Variants in JAKMIP1 observed in about 807,000 individuals in gnomAD.
The protein encoded by JAKMIP1 is janus kinase and microtubule-interacting protein 1.
JAKMIP1 carries 33 observed loss-of-function variants against 113.0 expected under a neutral mutation model. That is an observed-to-expected ratio of 0.29 (90% CI 0.22 to 0.39). JAKMIP1 has a LOEUF of 0.39. Among genes scored for constraint, JAKMIP1 ranks in the 10% least tolerant of loss-of-function variants. The pLI is 1.00. For missense variants in JAKMIP1, 813 were observed against 1,080.5 expected, an observed-to-expected ratio of 0.75 and a Z score of 3.47; for synonymous variants, 480 against 459.9, an observed-to-expected ratio of 1.04 and a Z score of -0.56.
rs565264594 is a variant in JAKMIP1 at position 6,153,638 on chromosome 4, C to T, written c.-147-40641G>A. 2.6e-5 allele frequency among the ~76,000 whole-genome samples: 4 copies of T among 152,320 alleles called. No homozygotes were observed. The East Asian group carries it at 7.7e-4, about 29-fold the overall frequency. ...GTTTTGTGGAAGGCCATCATGTTCC[C>T]GTGTGCCCCTCGGCACCTTACCTTT... is the stretch of plus-strand genomic sequence containing the variant. On this transcript the variant is annotated intron_variant, in intron 1 of 20. Coordinates refer to ENST00000409021, the MANE Select transcript of JAKMIP1 (RefSeq NM_001099433.2). This position sits in a 1 kb window ranked among gnomAD's most constrained non-coding sequence, Gnocchi z 4.9.
At chr4:6,175,017 G>A (rs73077410) in intron 1 of JAKMIP1, among the ~76,000 whole-genome samples, 149 of 152,172 alleles carry the variant, frequency 9.8e-4, no homozygotes, top group African/African-American at 3.0e-3. Flanking sequence ...GGCTATCCTC[G>A]GTTTCCCCAC....
At chr4:6,030,516 C>T (rs577411154) in intron 19 of JAKMIP1, among the ~76,000 whole-genome samples, 7 of 152,182 alleles carry the variant, frequency 4.6e-5, no homozygotes, top group Admixed American at 1.3e-4. Context: ...GCGTCTCCAC[C>T]GAGGGAATCT....
At chr4:6,119,492 C>A (rs527838282) in intron 1 of JAKMIP1, among the ~76,000 whole-genome samples, 1 of 151,864 alleles carries the variant, frequency 6.6e-6, no homozygotes, top group Non-Finnish European at 1.5e-5. Context: ...TGCGGTGAGC[C>A]GAGATCACGC....
At position 6,129,266 on chromosome 4, in the gene JAKMIP1, T is replaced by A. The variant is rs912861174; in HGVS notation, c.-147-16269A>T. ...CCCCTTCTGCAGAATCAAGTACAAC[T>A]GGACAAGAGCTGGCACATGTGTGGT... is the stretch of plus-strand genomic sequence containing the variant. On this transcript the variant is annotated intron_variant, in intron 1 of 20. Coordinates refer to ENST00000409021, the MANE Select transcript of JAKMIP1 (RefSeq NM_001099433.2). The surrounding 1 kb of genome is among the most constrained non-coding windows in gnomAD (Gnocchi z 5.4). 6.6e-6 allele frequency among the ~76,000 whole-genome samples: 1 copy of A among 152,166 alleles called. No individual in the cohort carries two copies. Among genetic ancestry groups the A allele is most frequent in the Non-Finnish European group, 1.5e-5 (1 of 68,030 alleles).
Position 6,045,824 on chromosome 4 carries a change from C to T in JAKMIP1, c.2028+3033G>A, listed in dbSNP as rs1462970387. Among the ~76,000 whole-genome samples, 4 of 152,006 alleles carry T rather than the reference C, an allele frequency of 2.6e-5. No individual in the cohort carries two copies. In the South Asian group the frequency reaches 6.2e-4, roughly 24 times the overall value. ...GGTGGAGGTTGCAGTAAGCTGAGATCGTGCCACTGCACTCCAGCCTGGGTG... is the reference window on the plus strand; with the variant it reads ...GGTGGAGGTTGCAGTAAGCTGAGATTGTGCCACTGCACTCCAGCCTGGGTG... On this transcript the variant is annotated intron_variant, in intron 16 of 20. Transcript: ENST00000409021.
chr4:6,084,737 G>C, intron 5 of JAKMIP1, 109 bp downstream of exon 5: 6 of 1,154,680 alleles, frequency 5.2e-6, no homozygotes, highest in Non-Finnish European at 7.0e-6. Flanking sequence ...GGAAAGTTCA[G>C]AGAACCAGAA....
Position 6,187,826 on chromosome 4 carries a change from A to G in JAKMIP1, c.-148+12427T>C, listed in dbSNP as rs1726811319. Among the ~76,000 whole-genome samples the G allele has an allele frequency of 1.3e-5, 2 of 152,238 alleles. No individual in the cohort carries two copies. Among genetic ancestry groups the G allele is most frequent in the South Asian group, 4.1e-4 (2 of 4,828 alleles). On this transcript the variant is annotated intron_variant, in intron 1 of 20. Coordinates refer to ENST00000409021, the MANE Select transcript of JAKMIP1 (RefSeq NM_001099433.2). This position sits in a 1 kb window ranked among gnomAD's most constrained non-coding sequence, Gnocchi z 4.2. ...ATCTACCTTTTGACTGGCTTATTTA[A>G]CCTATTCATCTTTAATAGTATTGAT...
At chr4:6,123,875 T>C (rs1717048677) in intron 1 of JAKMIP1, among the ~76,000 whole-genome samples, 1 of 152,228 alleles carries the variant, frequency 6.6e-6, no homozygotes, top group Non-Finnish European at 1.5e-5. Flanking sequence ...TTAACTTTCT[T>C]AGGAGACCTC....
chr4:6,152,173 G>A (rs1363625040), intron 1 of JAKMIP1, among the ~76,000 whole-genome samples: 1 of 151,960 alleles, frequency 6.6e-6, no homozygotes, highest in Non-Finnish European at 1.5e-5. Context: ...GAGAGAGCAG[G>A]GAGGGAGGAA....
chr4:6,058,633 C>A (rs1716809849), intron 11 of JAKMIP1, among the ~76,000 whole-genome samples: 1 of 152,206 alleles, frequency 6.6e-6, no homozygotes, highest in African/African-American at 2.4e-5. Context: ...AGACAGGACA[C>A]AGCAGTAAGG....
rs1719108567 is a variant in JAKMIP1 at position 6,135,541 on chromosome 4, T to C, written c.-147-22544A>G. ...TGCTCCTTGAGCTGCCCGACCCCAC[T>C]CCACGGACGGGGATTTCCCAGGTCC... is the stretch of plus-strand genomic sequence containing the variant. On this transcript the variant is annotated intron_variant, in intron 1 of 20. Coordinates refer to ENST00000409021, the MANE Select transcript of JAKMIP1 (RefSeq NM_001099433.2). This position sits in a 1 kb window ranked among gnomAD's most constrained non-coding sequence, Gnocchi z 4.9. Among the ~76,000 whole-genome samples, 1 of 152,024 alleles carries C rather than the reference T, an allele frequency of 6.6e-6. No individual in the cohort carries two copies. Among genetic ancestry groups the C allele is most frequent in the Non-Finnish European group, 1.5e-5 (1 of 67,992 alleles).
rs530693860 is a variant in JAKMIP1, at chr4:6,162,625, G to A, written c.-148+37628C>T. Among the ~76,000 whole-genome samples the A allele has an allele frequency of 2.6e-5, 4 of 152,330 alleles. No homozygotes were observed. In the South Asian group the frequency reaches 8.3e-4, roughly 32 times the overall value. Reference sequence around the variant, plus strand: ...CATCTCGTTCAACCTGCCAAGCTCAGTGTGGCACTGCCCATCTGTTAGCTC... The same window carrying A: ...CATCTCGTTCAACCTGCCAAGCTCAATGTGGCACTGCCCATCTGTTAGCTC... On this transcript the variant is annotated intron_variant, in intron 1 of 20. Transcript: ENST00000409021. The surrounding 1 kb of genome is among the most constrained non-coding windows in gnomAD (Gnocchi z 5.6).
chr4:6,171,756 C>T (rs905779523), intron 1 of JAKMIP1, among the ~76,000 whole-genome samples: 3 of 152,196 alleles, frequency 2.0e-5, no homozygotes, highest in African/African-American at 7.2e-5. Context: ...TCTCTCATCT[C>T]AAATGCCAAC....
At chr4:6,087,428 C>T (rs1721459885) in intron 3 of JAKMIP1, among the ~76,000 whole-genome samples, 1 of 152,156 alleles carries the variant, frequency 6.6e-6, no homozygotes, top group Non-Finnish European at 1.5e-5. Flanking sequence ...CCTAGCATAT[C>T]GCAAGCCTGC....
In JAKMIP1 at chr4:6,168,220, A is replaced by G. The variant is rs983491453; in HGVS notation, c.-148+32033T>C. Among the ~76,000 whole-genome samples the G allele has an allele frequency of 1.3e-5, 2 of 152,332 alleles. No homozygotes were observed. The highest frequency in any genetic ancestry group is 2.1e-4 in the South Asian group (1 of 4,822). ...ATGAAATGATGCAGCCACTTTGGAAAACAGTCTGGTGGTTCCTTAAAATGT... is the reference window on the plus strand; with the variant it reads ...ATGAAATGATGCAGCCACTTTGGAAGACAGTCTGGTGGTTCCTTAAAATGT... On this transcript the variant is annotated intron_variant, in intron 1 of 20. Coordinates refer to ENST00000409021, the MANE Select transcript of JAKMIP1 (RefSeq NM_001099433.2). This position sits in a 1 kb window ranked among gnomAD's most constrained non-coding sequence, Gnocchi z 4.6.
At chr4:6,058,012 G>T (rs1246385666) in intron 11 of JAKMIP1, among the ~76,000 whole-genome samples, 1 of 152,242 alleles carries the variant, frequency 6.6e-6, no homozygotes, top group Non-Finnish European at 1.5e-5. Context: ...TAAGTATTGG[G>T]GTGGTTTGTT....
intron 8 of JAKMIP1, among the ~76,000 whole-genome samples, chr4:6,066,185 C>A (rs1366071716): frequency 6.6e-6 from 1 of 152,162 alleles, no homozygotes; most frequent in East Asian, 1.9e-4. Flanking sequence ...GCACTCCCCA[C>A]ATACTAAGGG....
intron 1 of JAKMIP1, among the ~76,000 whole-genome samples, chr4:6,164,500 T>C (rs143102471): frequency 6.6e-6 from 1 of 152,226 alleles, no homozygotes; most frequent in Admixed American, 6.5e-5. Flanking sequence ...CTGCAGCCCA[T>C]GGATCAAGAA....
At chr4:6,029,420 C>T (rs1712295857) in intron 20 of JAKMIP1, among the ~76,000 whole-genome samples, 1 of 152,182 alleles carries the variant, frequency 6.6e-6, no homozygotes, top group Admixed American at 6.5e-5. Flanking sequence ...TGTGCTTCAC[C>T]TCTTTCCTAG....
Sources: allele counts gnomAD v4.1 joint callset (sites outside exome capture counted in the v4.1 genomes callset), GRCh38; gene constraint gnomAD v4.1.1; non-coding constraint Gnocchi (gnomAD v3.1); transcripts MANE v1.5; gene names NCBI Gene and HGNC (gene_info 2026-07-23, HGNC 2026-07-21).